The following PVT1 variants were observed in gnomAD, a reference collection of about 807,000 sequenced individuals.
PVT1 encodes the protein Pvt1 oncogene, also known as CXCR4/PVT1 fusion.
At chr8:127,820,501 A>G (rs1394000951) in intron 2 of PVT1, among the ~76,000 whole-genome samples, 3 of 152,186 alleles carry the variant, frequency 2.0e-5, no homozygotes, top group Admixed American at 2.0e-4. Flanking sequence ...TTAAATTTCA[A>G]CAATGTGCCT....
At chr8:128,027,252 G>A (rs571186829) in intron 4 of PVT1, among the ~76,000 whole-genome samples, 105 of 152,230 alleles carry the variant, frequency 6.9e-4, no homozygotes, top group African/African-American at 2.3e-3. Flanking sequence ...TGTATTCCCC[G>A]GCAGCACTAA....
intron 4 of PVT1, among the ~76,000 whole-genome samples, chr8:128,006,575 C>T (rs149916788): frequency 3.7e-4 from 57 of 152,232 alleles, no homozygotes; most frequent in African/African-American, 1.3e-3. Context: ...CACACTTTCA[C>T]CAAACTAATT....
chr8:127,936,258 G>A (rs1269492071), intron 3 of PVT1, among the ~76,000 whole-genome samples: 2 of 151,760 alleles, frequency 1.3e-5, no homozygotes, highest in Non-Finnish European at 2.9e-5. Flanking sequence ...CTCCATGTTG[G>A]TCGGGCTGGT....
intron 2 of PVT1, among the ~76,000 whole-genome samples, chr8:127,817,560 C>CAA (rs1554588978): frequency 1.2e-5 from 1 of 85,832 alleles, no homozygotes; most frequent in Non-Finnish European, 2.5e-5. Context: ...CACACACACA[C>CAA]ATATATATAT....
chr8:127,917,322 A>T (rs1815997297), intron 3 of PVT1, among the ~76,000 whole-genome samples: 1 of 152,214 alleles, frequency 6.6e-6, no homozygotes, highest in Non-Finnish European at 1.5e-5. Flanking sequence ...CTCACAGATC[A>T]TGAGGAGGCG....
At chr8:127,863,118 ATTTATTTT>A (rs1815247134) in intron 2 of PVT1, among the ~76,000 whole-genome samples, 1 of 141,302 alleles carries the variant, frequency 7.1e-6, no homozygotes, top group Non-Finnish European at 1.5e-5. Flanking sequence ...TTATTTATTT[ATTTATTTT>A]TCCGAGACCG....
At chr8:127,912,702 CTT>C (rs112470427) in intron 3 of PVT1, among the ~76,000 whole-genome samples, 17 of 144,508 alleles carry the variant, frequency 1.2e-4, no homozygotes, top group Non-Finnish European at 1.4e-4. Flanking sequence ...TCCCTCCCTT[CTT>C]TTTTTTTTTT....
intron 3 of PVT1, among the ~76,000 whole-genome samples, chr8:127,957,566 CAAA>C (rs56796489): frequency 1.4e-3 from 126 of 91,806 alleles, no homozygotes; most frequent in African/African-American, 4.6e-3. Flanking sequence ...GACTCCGTCT[CAAA>C]AAAAAAAAAA....
At chr8:127,922,233 A>G (rs1051833774) in intron 3 of PVT1, among the ~76,000 whole-genome samples, 1 of 151,690 alleles carries the variant, frequency 6.6e-6, no homozygotes, top group Non-Finnish European at 1.5e-5. Context: ...GTATACTAAT[A>G]AAGTCATTTT....
rs189927564 is a variant in PVT1, at chr8:127,863,261, G to A, written n.373-27328G>A. Reference sequence around the variant, plus strand: ...CGAGTTGCTGGGATTACAGGTGTCCGCCACTGCGCCAGCTAATTTTTTGCA... The same window carrying A: ...CGAGTTGCTGGGATTACAGGTGTCCACCACTGCGCCAGCTAATTTTTTGCA... On this transcript the variant is annotated intron_variant and non_coding_transcript_variant, in intron 2 of 10. Coordinates refer to ENST00000651587, the Ensembl canonical transcript of PVT1. Among the ~76,000 whole-genome samples, 442 of 152,030 alleles carry A rather than the reference G, an allele frequency of 2.9e-3. 1 individual carries two copies. In the Middle Eastern group the frequency reaches 0.031, roughly 11 times the overall value.
At chr8:128,085,848 C>T (rs373665194) in intron 5 of PVT1, among the ~76,000 whole-genome samples, 27 of 152,256 alleles carry the variant, frequency 1.8e-4, no homozygotes, top group East Asian at 9.6e-4. Flanking sequence ...AGGCAAAAAA[C>T]GAGATCCCCA....
At chr8:127,836,740 G>A (rs1227072014) in intron 2 of PVT1, among the ~76,000 whole-genome samples, 1 of 152,140 alleles carries the variant, frequency 6.6e-6, no homozygotes, top group Admixed American at 6.5e-5. Flanking sequence ...CAGAGGAGAG[G>A]ACTGAGGCAC....
chr8:128,074,935 T>TA (rs1178575817), intron 5 of PVT1, among the ~76,000 whole-genome samples: 1 of 152,220 alleles, frequency 6.6e-6, no homozygotes, highest in Non-Finnish European at 1.5e-5. Context: ...TATGTACTGA[T>TA]AAATGCAGCC....
intron 3 of PVT1, among the ~76,000 whole-genome samples, chr8:127,892,657 A>T (rs897082098): frequency 7.2e-5 from 11 of 152,162 alleles, no homozygotes; most frequent in Non-Finnish European, 1.6e-4. Context: ...AGGCCCCTTC[A>T]GCTGAAGACT....
intron 3 of PVT1, among the ~76,000 whole-genome samples, chr8:127,924,508 A>ATTT (rs140569442): frequency 1.5e-4 from 14 of 92,210 alleles, no homozygotes; most frequent in African/African-American, 5.5e-4. Context: ...TAACTTTTGT[A>ATTT]TTTTTTTTTT....
chr8:127,894,549 G>A (rs911935526), intron 3 of PVT1, among the ~76,000 whole-genome samples: 14 of 152,194 alleles, frequency 9.2e-5, no homozygotes, highest in Non-Finnish European at 1.3e-4. Flanking sequence ...TTTCCAAAGC[G>A]TGCTGATGAG....
chr8:127,983,557 GT>G (rs1816908776), intron 3 of PVT1, among the ~76,000 whole-genome samples: 1 of 152,102 alleles, frequency 6.6e-6, no homozygotes, highest in African/African-American at 2.4e-5. Flanking sequence ...CAGATCATCA[GT>G]TGTTAACTCA....
intron 2 of PVT1, among the ~76,000 whole-genome samples, chr8:127,807,242 C>T (rs1814538146): frequency 6.6e-6 from 1 of 152,210 alleles, no homozygotes; most frequent in Non-Finnish European, 1.5e-5. Context: ...ATCAAACTCA[C>T]TGTCATCATC....
intron 4 of PVT1, among the ~76,000 whole-genome samples, chr8:128,067,025 CCTTTAAAT>C (rs1342344464): frequency 6.6e-6 from 1 of 152,152 alleles, no homozygotes; most frequent in East Asian, 1.9e-4. Context: ...CTGTGGGTAT[CCTTTAAAT>C]CTGGCTCTCA....
Sources: allele counts gnomAD v4.1 joint callset (sites outside exome capture counted in the v4.1 genomes callset), GRCh38; gene constraint gnomAD v4.1.1; transcripts MANE v1.5; gene names NCBI Gene and HGNC (gene_info 2026-07-23, HGNC 2026-07-21).